Variants in OSBPL1A observed in about 807,000 individuals in gnomAD.
OSBPL1A encodes the protein oxysterol binding protein like 1A.
OSBPL1A carries 80 observed loss-of-function variants against 137.1 expected under a neutral mutation model. That is an observed-to-expected ratio of 0.58 (90% CI 0.49 to 0.70). OSBPL1A has a LOEUF of 0.70. Among genes scored for constraint, OSBPL1A ranks in the 30% least tolerant of loss-of-function variants. OSBPL1A has a pLI of 0.00. For synonymous variants in OSBPL1A, 365 were observed against 389.7 expected (o/e 0.94, Z 0.75); for missense variants, 970 against 1,129.4 (o/e 0.86, Z 2.02).
chr18:24,269,851 AACACACACAC>A (rs147895357), intron 15 of OSBPL1A, among the ~76,000 whole-genome samples: 1 of 139,986 alleles, frequency 7.1e-6, no homozygotes, highest in African/African-American at 2.7e-5. Flanking sequence ...TGACAAGCCT[AACACACACAC>A]ACACACACAC....
At chr18:24,363,219 C>T (rs1381522402) in intron 4 of OSBPL1A, among the ~76,000 whole-genome samples, 1 of 152,120 alleles carries the variant, frequency 6.6e-6, no homozygotes, top group Non-Finnish European at 1.5e-5. Flanking sequence ...CCTCACAGTT[C>T]TGTATTTGAG....
At chr18:24,172,161 G>C (rs868694372) in intron 22 of OSBPL1A, among the ~76,000 whole-genome samples, 30 of 151,920 alleles carry the variant, frequency 2.0e-4, no homozygotes, top group Non-Finnish European at 3.4e-4. Flanking sequence ...GGCTGGTCTC[G>C]AACTCCTGAC....
intron 15 of OSBPL1A, among the ~76,000 whole-genome samples, chr18:24,270,923 C>A (rs1240507407): frequency 2.0e-5 from 3 of 152,186 alleles, no homozygotes; most frequent in Admixed American, 6.5e-5. Context: ...TCTCTGGCAT[C>A]TTCCTCTCCT....
chr18:24,281,866 A>G (rs1671319431), intron 14 of OSBPL1A, among the ~76,000 whole-genome samples: 2 of 152,314 alleles, frequency 1.3e-5, no homozygotes, highest in South Asian at 4.1e-4. Flanking sequence ...ACCTGGCCAC[A>G]CAGCAAGAGG....
chr18:24,168,792 G>GA (rs1467734336), intron 24 of OSBPL1A, among the ~76,000 whole-genome samples: 1 of 152,188 alleles, frequency 6.6e-6, no homozygotes, highest in African/African-American at 2.4e-5. Context: ...AGAGAGACCA[G>GA]AAAAGCAGTG....
At chr18:24,256,869 A>G (rs1464776969) in intron 15 of OSBPL1A, among the ~76,000 whole-genome samples, 1 of 151,610 alleles carries the variant, frequency 6.6e-6, no homozygotes, top group Non-Finnish European at 1.5e-5. Context: ...ATAGCCACAC[A>G]TAAAATTAAA....
intron 2 of OSBPL1A, among the ~76,000 whole-genome samples, chr18:24,375,365 C>T (rs984218989): frequency 2.8e-5 from 4 of 142,006 alleles, no homozygotes; most frequent in Non-Finnish European, 6.1e-5. Context: ...CAAAGACTAA[C>T]GTTTACTCTC....
intron 4 of OSBPL1A, among the ~76,000 whole-genome samples, chr18:24,345,462 G>A (rs372693925): frequency 3.3e-5 from 5 of 152,242 alleles, no homozygotes; most frequent in African/African-American, 9.6e-5. Flanking sequence ...CGAGGTGGGC[G>A]GATCACTTGA....
At chr18:24,265,693 A>G (rs964685869) in intron 15 of OSBPL1A, among the ~76,000 whole-genome samples, 2 of 152,184 alleles carry the variant, frequency 1.3e-5, no homozygotes, top group Non-Finnish European at 2.9e-5. Flanking sequence ...TGACGTCACC[A>G]GAGCATAGCA....
intron 18 of OSBPL1A, among the ~76,000 whole-genome samples, chr18:24,183,687 C>A (rs908800242): frequency 3.9e-5 from 6 of 152,168 alleles, no homozygotes; most frequent in Non-Finnish European, 8.8e-5. Context: ...CCACCCGCCT[C>A]AGCCTCCCAA....
chr18:24,164,989 G>T, intron 27 of OSBPL1A, 76 bp downstream of exon 27: 2 of 1,448,078 alleles, frequency 1.4e-6, no homozygotes, highest in Non-Finnish European at 1.9e-6. Flanking sequence ...GGGTCACAGT[G>T]TCTGGCATCC....
chr18:24,277,110 A>G (rs1000622525), intron 15 of OSBPL1A, among the ~76,000 whole-genome samples: 7 of 152,222 alleles, frequency 4.6e-5, no homozygotes, highest in Non-Finnish European at 1.0e-4. Flanking sequence ...ATAAAGAGCA[A>G]ACAAGAGTCC....
chr18:24,374,685 A>G (rs932154957), intron 2 of OSBPL1A, among the ~76,000 whole-genome samples: 4 of 152,158 alleles, frequency 2.6e-5, no homozygotes, highest in African/African-American at 9.7e-5. Context: ...TCTGCATTGA[A>G]CCAGCAAGCC....
chr18:24,271,679 C>T lies in OSBPL1A; in HGVS notation c.1281+9163G>A. ...CTCCACCCTGCGCTCCTCGCAAGCT[C>T]CAGCGCGAATGCGCTCGGCCTGCTC... On this transcript the variant is annotated intron_variant, in intron 15 of 27. Coordinates refer to ENST00000319481, the MANE Select transcript of OSBPL1A (RefSeq NM_080597.4). This position sits in a 1 kb window ranked among gnomAD's most constrained non-coding sequence, Gnocchi z 4.0. The T allele has an allele frequency of 1.0e-6, 1 of 985,798 alleles. No individual in the cohort carries two copies. Among genetic ancestry groups the T allele is most frequent in the African/African-American group, 1.7e-5 (1 of 57,374 alleles). The allele number at this position is 985,798 out of a possible 1,614,324, so 61.1% of individuals were successfully genotyped here. A position where few individuals can be genotyped will look rare whatever the true frequency, so the allele number is the denominator to read the frequency against.
At chr18:24,325,248 T>C (rs571984443) in intron 7 of OSBPL1A, among the ~76,000 whole-genome samples, 1 of 152,304 alleles carries the variant, frequency 6.6e-6, no homozygotes, top group South Asian at 2.1e-4. Context: ...ACATTCACTT[T>C]GCTGCTCAAA....
At chr18:24,217,713 G>A (rs1179189292) in intron 17 of OSBPL1A, among the ~76,000 whole-genome samples, 2 of 152,160 alleles carry the variant, frequency 1.3e-5, no homozygotes, top group African/African-American at 4.8e-5. Flanking sequence ...TATCATGGAT[G>A]TGTCAGATTG....
Position 24,178,018 on chromosome 18 carries a change from G to A in OSBPL1A, c.2088C>T (p.Leu696=). ...AEPKGTITLE[L]LEHNEAYTWT... is the part of the protein sequence containing the mutation. ...ATGGCTTGATCAGAACTCACTCAAG[G>A]AGCTCCAAGGTGATGGTTCCTTTGG... Residue 696 remains leucine (L), a synonymous_variant, in exon 21 of 28, where the codon CTC becomes CTT. Transcript: ENST00000319481. 1 of 1,613,354 alleles carries A rather than the reference G, an allele frequency of 6.2e-7. No individual in the cohort carries two copies. The highest frequency in any genetic ancestry group is 2.2e-5 in the East Asian group (1 of 44,860).
chr18:24,162,309 GCCT>G lies in OSBPL1A; in HGVS notation c.*867_*869del, dbSNP rs1267660913. 6.6e-6 allele frequency: 1 copy of G among 152,150 alleles called. No homozygotes were observed. Among genetic ancestry groups the G allele is most frequent in the East Asian group, 1.9e-4 (1 of 5,192 alleles). 9.4% of individuals were successfully genotyped at this position (152,150 alleles called of 1,614,324 possible). A position where few individuals can be genotyped will look rare whatever the true frequency, so the allele number is the denominator to read the frequency against. ...ACTTTGCAAACTTGAAATGCACAAG[GCCT>G]CCTTTTATATAGTTTGATACTTACA... On this transcript the variant is annotated 3_prime_UTR_variant, in exon 28 of 28. Transcript: ENST00000319481.
chr18:24,167,502 G>A (rs2086173671), intron 24 of OSBPL1A, 57 bp from the exon 25 acceptor site: 1 of 1,367,650 alleles, frequency 7.3e-7, no homozygotes, highest in Admixed American at 1.7e-5. Flanking sequence ...ATACAGTCAA[G>A]CACCACATAA....
Sources: gnomAD v4.1 joint callset for allele counts (sites outside exome capture counted in the v4.1 genomes callset) on GRCh38, gnomAD v4.1.1 for gene constraint, Gnocchi (gnomAD v3.1) non-coding constraint, MANE v1.5 for transcripts, NCBI Gene and HGNC (gene_info 2026-07-23, HGNC 2026-07-21) for gene names.